The following TEK variants were observed in gnomAD, a reference collection of about 807,000 sequenced individuals.
TEK encodes the protein TEK receptor tyrosine kinase, also known as angiopoietin-1 receptor.
TEK carries 43 observed loss-of-function variants against 131.8 expected under a neutral mutation model. The observed-to-expected ratio is 0.33, with a 90% confidence interval of 0.26 to 0.42. The LOEUF (loss-of-function observed/expected upper bound fraction) is 0.42. Among genes scored for constraint, TEK ranks in the 10% least tolerant of loss-of-function variants. The pLI, the probability that TEK is intolerant of heterozygous loss-of-function variation, is 1.00. For missense variants in TEK, 1,162 were observed against 1,384.4 expected (o/e 0.84, Z 2.55); for synonymous variants, 580 against 491.6 (o/e 1.18, Z -2.38).
At chr9:27,184,275 G>A (rs1448183247) in intron 8 of TEK, among the ~76,000 whole-genome samples, 4 of 152,130 alleles carry the variant, frequency 2.6e-5, no homozygotes, top group Admixed American at 6.5e-5. Flanking sequence ...GCTACTTTTC[G>A]AACATGCTTT....
intron 10 of TEK, 79 bp from the exon 11 acceptor site, chr9:27,192,410 C>A: frequency 6.4e-7 from 1 of 1,559,534 alleles, no homozygotes; most frequent in Non-Finnish European, 8.8e-7. Flanking sequence ...AATTAGTTCA[C>A]ATCGCAATAA....
At chr9:27,122,239 G>C (rs904091886) in intron 1 of TEK, among the ~76,000 whole-genome samples, 2 of 152,146 alleles carry the variant, frequency 1.3e-5, no homozygotes, top group African/African-American at 4.8e-5. Context: ...TTGCAGTCTG[G>C]TGGGTGAGAA....
chr9:27,128,593 T>A (rs1403479104), intron 1 of TEK, among the ~76,000 whole-genome samples: 1 of 152,232 alleles, frequency 6.6e-6, no homozygotes, highest in Non-Finnish European at 1.5e-5. Context: ...ACGATACCGA[T>A]TCTTCCTATC....
At position 27,190,494 on chromosome 9, in the gene TEK, C is replaced by T. The variant is rs115012696; in HGVS notation, c.1328-35C>T. The T allele has an allele frequency of 1.4e-3, 2,202 of 1,613,250 alleles. 27 individuals carry two copies. In the African/African-American group the frequency reaches 0.025, roughly 18 times the overall value. Reference sequence around the variant, plus strand: ...AAGAACAATCACAAAACCTCAAAGCCGAAGGACTAATCTGCCTTCTGAAAT... The same window carrying T: ...AAGAACAATCACAAAACCTCAAAGCTGAAGGACTAATCTGCCTTCTGAAAT... On this transcript the variant is annotated intron_variant, in intron 9 of 22. Transcript: ENST00000380036.
At chr9:27,215,402 CACAGTGGCT>C (rs1215599224) in intron 18 of TEK, among the ~76,000 whole-genome samples, 1 of 152,110 alleles carries the variant, frequency 6.6e-6, no homozygotes, top group Non-Finnish European at 1.5e-5. Flanking sequence ...TCCTAGAGAA[CACAGTGGCT>C]ACCTTCTCTG....
intron 2 of TEK, among the ~76,000 whole-genome samples, chr9:27,167,257 T>C (rs1018850474): frequency 1.4e-4 from 22 of 152,300 alleles, no homozygotes; most frequent in African/African-American, 4.8e-4. Context: ...AGACTGAGTC[T>C]TGCTCTGTTG....
At chr9:27,213,436 TG>T in intron 17 of TEK, 47 bp from the exon 18 acceptor site, 1 of 1,422,528 alleles carries the variant, frequency 7.0e-7, no homozygotes, top group Non-Finnish European at 9.9e-7. Flanking sequence ...TTTTCAGCCC[TG>T]GGGCTTTCAT....
chr9:27,186,504 C>T (rs992887624), intron 9 of TEK, among the ~76,000 whole-genome samples: 2 of 152,214 alleles, frequency 1.3e-5, no homozygotes, highest in African/African-American at 4.8e-5. Flanking sequence ...CATGTTCAGA[C>T]ACAATTTGTT....
At chr9:27,138,254 T>G (rs1013163079) in intron 1 of TEK, among the ~76,000 whole-genome samples, 1 of 152,216 alleles carries the variant, frequency 6.6e-6, no homozygotes, top group Non-Finnish European at 1.5e-5. Flanking sequence ...CGCTGCTGGC[T>G]CAGGTGGCCA....
intron 16 of TEK, 119 bp downstream of exon 16, chr9:27,209,350 C>A (rs1012992226): frequency 2.6e-6 from 2 of 773,736 alleles, no homozygotes; most frequent in Non-Finnish European, 4.4e-6. Flanking sequence ...AAAGTTGCAT[C>A]TTCTATCTGA....
chr9:27,223,033 A>ATCCCTTTAC (rs2131254488), intron 21 of TEK, among the ~76,000 whole-genome samples: 1 of 152,328 alleles, frequency 6.6e-6, no homozygotes, highest in Admixed American at 6.5e-5. Context: ...GAAGGACATT[A>ATCCCTTTAC]CATAATGGTA....
rs781394656 is a variant in TEK, at chr9:27,190,699, T to C, written c.1489+9T>C. The stretch of plus-strand genomic sequence containing the variant: ...TTGGCAACATATTCAAGGTAAGCTT[T>C]GGACAGGATAGATGCCAGCTGGGGA... On this transcript the variant is annotated intron_variant, in intron 10 of 22. Coordinates refer to ENST00000380036, the MANE Select transcript of TEK (RefSeq NM_000459.5). 9.3e-6 allele frequency: 15 copies of C among 1,613,880 alleles called. No individual in the cohort carries two copies. The South Asian group carries it at 1.6e-4, about 18-fold the overall frequency.
chr9:27,197,986 T>G (rs1825089594), intron 12 of TEK, among the ~76,000 whole-genome samples: 3 of 152,190 alleles, frequency 2.0e-5, no homozygotes, highest in Admixed American at 2.0e-4. Flanking sequence ...CCAAATAACT[T>G]TGCTTGAAAC....
chr9:27,226,600 G>C (rs1046586451), intron 21 of TEK, among the ~76,000 whole-genome samples: 4 of 152,128 alleles, frequency 2.6e-5, no homozygotes, highest in Non-Finnish European at 5.9e-5. Context: ...GGGAGGGATA[G>C]CATTAGGAGA....
intron 17 of TEK, 140 bp downstream of exon 17, chr9:27,213,037 T>TAGTCCATCTATTTAAAGAAA: frequency 2.3e-6 from 2 of 879,006 alleles, no homozygotes; most frequent in Admixed American, 2.6e-5. Flanking sequence ...TCTCTGTGAA[T>TAGTCCATCTATTTAAAGAAA]AGTCCATCTA....
intron 7 of TEK, 97 bp downstream of exon 7, chr9:27,180,465 G>A (rs1824325683): frequency 6.6e-7 from 1 of 1,519,198 alleles, no homozygotes; most frequent in Admixed American, 2.0e-5. Flanking sequence ...AGATCCTCAA[G>A]CCTCTTTTGT....
intron 7 of TEK, among the ~76,000 whole-genome samples, chr9:27,182,050 G>A (rs1391098736): frequency 1.3e-5 from 2 of 152,180 alleles, no homozygotes; most frequent in Non-Finnish European, 2.9e-5. Flanking sequence ...AGGAATCAGG[G>A]AGTGGTTAGA....
intron 1 of TEK, among the ~76,000 whole-genome samples, chr9:27,122,951 G>T (rs1462192324): frequency 1.3e-5 from 2 of 150,120 alleles, no homozygotes; most frequent in Non-Finnish European, 3.0e-5. Flanking sequence ...TACCTGGGAG[G>T]CTGAGGCAGG....
intron 1 of TEK, among the ~76,000 whole-genome samples, chr9:27,153,401 G>C (rs1382213155): frequency 6.6e-6 from 1 of 152,220 alleles, no homozygotes; most frequent in Non-Finnish European, 1.5e-5. Flanking sequence ...AGTGAGCCCA[G>C]ATCGCACCAT....
Sources: allele counts gnomAD v4.1 joint callset (sites outside exome capture counted in the v4.1 genomes callset), GRCh38; gene constraint gnomAD v4.1.1; transcripts MANE v1.5; gene names NCBI Gene and HGNC (gene_info 2026-07-23, HGNC 2026-07-21).